LRP1B: variants seen among roughly 807,000 people sequenced by gnomAD.
LRP1B encodes low-density lipoprotein receptor-related protein 1B.
In LRP1B, 217 loss-of-function variants were observed where a neutral mutation model predicts 556.6. The ratio of observed to expected loss-of-function variants is 0.39; its 90% CI spans 0.35 to 0.44. The LOEUF (loss-of-function observed/expected upper bound fraction) is 0.44, where lower values mean the gene tolerates loss of function less well. LRP1B is among the 20% of genes least tolerant of loss of function. The pLI, the probability that LRP1B is intolerant of heterozygous loss-of-function variation, is 1.00. For synonymous variants in LRP1B, 2,047 were observed against 1,865.8 expected (o/e 1.10, Z -2.50); for missense variants, 5,053 against 5,620.8 (o/e 0.90, Z 3.23).
intron 3 of LRP1B, among the ~76,000 whole-genome samples, chr2:141,258,908 C>A (rs1425114377): frequency 6.6e-6 from 1 of 152,162 alleles, no homozygotes; most frequent in Non-Finnish European, 1.5e-5. Context: ...TGAGCCAATT[C>A]AACCTTTTTC....
In LRP1B at chr2:140,850,307, A is replaced by G. The variant is rs1692419026; in HGVS notation, c.4734T>C (p.Tyr1578=). ...TCYEMKKFLL[Y]ARRSEIRGVD... is the part of the protein sequence containing the mutation. ...CTCCTCTGATTTCAGAACGTCTTGC[A>G]TAAAGAAGAAATTTTTTCATTTCTA... Residue 1578 remains tyrosine, a synonymous_variant, in exon 29 of 91, where the codon TAT becomes TAC. Transcript: ENST00000389484. The G allele has an allele frequency of 6.3e-7, 1 of 1,599,088 alleles. No individual in the cohort carries two copies. Among genetic ancestry groups the G allele is most frequent in the African/African-American group, 1.3e-5 (1 of 74,312 alleles).
At chr2:141,998,384 C>A (rs1201277796) in intron 1 of LRP1B, among the ~76,000 whole-genome samples, 1 of 152,082 alleles carries the variant, frequency 6.6e-6, no homozygotes, top group Non-Finnish European at 1.5e-5. Flanking sequence ...GGGTTAGAGG[C>A]ATGTGCTCTA....
intron 1 of LRP1B, among the ~76,000 whole-genome samples, chr2:141,986,441 A>G (rs1004271698): frequency 3.3e-5 from 5 of 151,980 alleles, no homozygotes; most frequent in Admixed American, 6.6e-5. Context: ...GTTTCTGAGT[A>G]TCAGAGACAA....
At chr2:140,762,681 G>T (rs185390704) in intron 35 of LRP1B, among the ~76,000 whole-genome samples, 263 of 152,020 alleles carry the variant, frequency 1.7e-3, no homozygotes, top group Middle Eastern at 3.4e-3. Flanking sequence ...ATAAAAATAA[G>T]GCCAAATGAT....
intron 55 of LRP1B, among the ~76,000 whole-genome samples, chr2:140,497,658 C>T (rs544429505): frequency 6.6e-6 from 1 of 151,778 alleles, no homozygotes; most frequent in Non-Finnish European, 1.5e-5. Flanking sequence ...CACTTTAGGA[C>T]AAATGAAAGG....
intron 7 of LRP1B, among the ~76,000 whole-genome samples, chr2:141,072,035 T>C (rs1699659675): frequency 6.6e-6 from 1 of 152,046 alleles, no homozygotes; most frequent in Non-Finnish European, 1.5e-5. Context: ...CACCCTTCTT[T>C]ACACAAGTCT....
intron 41 of LRP1B, among the ~76,000 whole-genome samples, chr2:140,645,460 A>G (rs1684444277): frequency 6.6e-6 from 1 of 150,890 alleles, no homozygotes; most frequent in Non-Finnish European, 1.5e-5. Flanking sequence ...TTGCCCTTCT[A>G]CTGTCTCTGA....
At position 141,619,258 on chromosome 2, in the gene LRP1B, C is replaced by T. The variant is rs183842989; in HGVS notation, c.206-138725G>A. ...TGAAACACTGTCCTACCTCTATTAC[C>T]GTACTTAGCACTTTCATTCATTTTC... On this transcript the variant is annotated intron_variant, in intron 2 of 90. Transcript: ENST00000389484. 2.4e-4 allele frequency among the ~76,000 whole-genome samples: 36 copies of T among 152,282 alleles called. 1 individual carries two copies. The highest frequency in any genetic ancestry group is 3.4e-3 in the Middle Eastern group (1 of 294).
intron 7 of LRP1B, among the ~76,000 whole-genome samples, chr2:141,117,492 C>T (rs1356257803): frequency 2.0e-5 from 3 of 151,742 alleles, no homozygotes; most frequent in African/African-American, 7.3e-5. Flanking sequence ...AGCAATTACA[C>T]AAAAATTAGA....
At chr2:141,925,106 C>T (rs753432693) in intron 1 of LRP1B, among the ~76,000 whole-genome samples, 1 of 152,106 alleles carries the variant, frequency 6.6e-6, no homozygotes, top group Non-Finnish European at 1.5e-5. Context: ...GCCAGATTAA[C>T]AAATCAAGGT....
intron 35 of LRP1B, among the ~76,000 whole-genome samples, chr2:140,753,368 A>C (rs1186121402): frequency 6.6e-6 from 1 of 152,144 alleles, no homozygotes; most frequent in Non-Finnish European, 1.5e-5. Flanking sequence ...TCTCTCTAAA[A>C]ATATTATTTA....
intron 1 of LRP1B, among the ~76,000 whole-genome samples, chr2:142,070,267 G>A (rs189042215): frequency 7.2e-5 from 11 of 151,846 alleles, no homozygotes; most frequent in East Asian, 5.8e-4. Context: ...CCTACTGCAC[G>A]TCAGCCAGTC....
chr2:141,652,312 T>C (rs1452435587), intron 2 of LRP1B, among the ~76,000 whole-genome samples: 1 of 152,210 alleles, frequency 6.6e-6, no homozygotes, highest in Non-Finnish European at 1.5e-5. Flanking sequence ...TATAGAAATA[T>C]ATACATAGAT....
intron 18 of LRP1B, among the ~76,000 whole-genome samples, chr2:140,970,222 C>A (rs1696370541): frequency 6.6e-6 from 1 of 152,134 alleles, no homozygotes; most frequent in Non-Finnish European, 1.5e-5. Flanking sequence ...TTGTTCATTT[C>A]TTTTTACTCT....
intron 3 of LRP1B, among the ~76,000 whole-genome samples, chr2:141,291,989 A>G (rs894208165): frequency 6.6e-6 from 1 of 152,000 alleles, no homozygotes; most frequent in South Asian, 2.1e-4. Context: ...CCCAACCCCA[A>G]TGCGATGAAC....
chr2:140,271,121 A>C (rs1682440772), intron 85 of LRP1B, among the ~76,000 whole-genome samples: 1 of 151,900 alleles, frequency 6.6e-6, no homozygotes, highest in Admixed American at 6.6e-5. Flanking sequence ...AAACGCAGAC[A>C]TTTTTTACTT....
intron 43 of LRP1B, among the ~76,000 whole-genome samples, chr2:140,575,532 C>T (rs1681485986): frequency 6.6e-6 from 1 of 152,138 alleles, no homozygotes; most frequent in Non-Finnish European, 1.5e-5. Flanking sequence ...TTTAGTTCTA[C>T]ATATTTCATA....
chr2:141,220,412 T>C (rs1038899730), intron 6 of LRP1B, among the ~76,000 whole-genome samples: 1 of 151,972 alleles, frequency 6.6e-6, no homozygotes, highest in African/African-American at 2.4e-5. Context: ...ATGAGAACTA[T>C]GGGGTTATGT....
chr2:141,008,285 TA>T (rs869185250), intron 14 of LRP1B, among the ~76,000 whole-genome samples: 4 of 151,378 alleles, frequency 2.6e-5, no homozygotes, highest in South Asian at 4.1e-4. Context: ...TCAATTTTTT[TA>T]AAATAAAATT....
Sources: allele counts gnomAD v4.1 joint callset (sites outside exome capture counted in the v4.1 genomes callset), GRCh38; gene constraint gnomAD v4.1.1; transcripts MANE v1.5; gene names NCBI Gene and HGNC (gene_info 2026-07-23, HGNC 2026-07-21).